Variants in DNAH6 observed in about 807,000 individuals in gnomAD.
The protein encoded by DNAH6 is dynein axonemal heavy chain 6.
A neutral mutation model predicts 491.4 loss-of-function variants in DNAH6; 340 were observed. The observed-to-expected ratio is 0.69, with a 90% CI of 0.63 to 0.76. The LOEUF is 0.76. Ranked by LOEUF, DNAH6 falls within the 30% of genes least tolerant of loss-of-function variation. The probability of loss-of-function intolerance (pLI) is 0.00; values close to 1 mark genes in which losing one functional copy is unlikely to be tolerated. For missense variants in DNAH6, 4,443 were observed against 4,972.2 expected (o/e 0.89, Z 3.20); for synonymous variants, 1,603 against 1,686.1 (o/e 0.95, Z 1.21).
rs919196714 is a variant in DNAH6 at position 84,624,685 on chromosome 2, A to C, written c.4353+65A>C. The C allele has an allele frequency of 2.4e-5, 35 of 1,485,660 alleles. No homozygotes were observed. The African/African-American group carries it at 4.4e-4, about 19-fold the overall frequency. The allele number at this position is 1,485,660 out of a possible 1,614,324, so 92.0% of individuals were successfully genotyped here. A position where few individuals can be genotyped will look rare whatever the true frequency, so the allele number is the denominator to read the frequency against. Reference sequence around the variant, plus strand: ...TGCTTTTCAATCAAAAGTCTTGAAAAGTTTCATATGACATTAACTCTTGAA... The same window carrying C: ...TGCTTTTCAATCAAAAGTCTTGAAACGTTTCATATGACATTAACTCTTGAA... On this transcript the variant is annotated intron_variant, in intron 28 of 76. Coordinates refer to ENST00000389394, the MANE Select transcript of DNAH6 (RefSeq NM_001370.2).
intron 65 of DNAH6, 96 bp from the exon 66 acceptor site, chr2:84,784,626 T>A (rs1322639750): frequency 2.6e-6 from 2 of 755,458 alleles, no homozygotes; most frequent in Non-Finnish European, 4.3e-6. Context: ...GCTTATAGCA[T>A]TTTTTCCTTC....
chr2:84,582,652 C>G (rs1475434686), intron 14 of DNAH6, among the ~76,000 whole-genome samples: 5 of 152,264 alleles, frequency 3.3e-5, no homozygotes, highest in Non-Finnish European at 7.4e-5. Context: ...CGGGGTTTCA[C>G]CGTGTTAGCC....
chr2:84,510,646 C>T, the DNAH6 span, among the ~76,000 whole-genome samples: 21 of 152,274 alleles, frequency 1.4e-4, no homozygotes, highest in African/African-American at 3.6e-4. Flanking sequence ...GGAGGAGAGG[C>T]GCTCTGATTT....
intron 16 of DNAH6, 53 bp from the exon 17 acceptor site, chr2:84,593,919 G>C: frequency 9.7e-7 from 1 of 1,032,034 alleles, no homozygotes; most frequent in Non-Finnish European, 1.4e-6. Flanking sequence ...AATAGCATAT[G>C]CTCATTATAT....
intron 37 of DNAH6, among the ~76,000 whole-genome samples, chr2:84,668,145 T>C (rs1692352685): frequency 6.6e-6 from 1 of 152,148 alleles, no homozygotes; most frequent in Non-Finnish European, 1.5e-5. Flanking sequence ...ATGTAAGTGA[T>C]GAGTTAACAG....
At chr2:84,740,420 A>C (rs1672411357) in intron 62 of DNAH6, among the ~76,000 whole-genome samples, 2 of 152,148 alleles carry the variant, frequency 1.3e-5, no homozygotes, top group Non-Finnish European at 2.9e-5. Flanking sequence ...CCAGACTCCA[A>C]AGTGAAGAGT....
chr2:84,807,728 C>A (rs1357916212), intron 71 of DNAH6, among the ~76,000 whole-genome samples: 2 of 152,170 alleles, frequency 1.3e-5, no homozygotes, highest in East Asian at 1.9e-4. Flanking sequence ...GGCTCTGCCT[C>A]CCAATCAGCC....
intron 37 of DNAH6, among the ~76,000 whole-genome samples, chr2:84,660,905 G>C (rs1024225597): frequency 6.6e-6 from 1 of 151,986 alleles, no homozygotes; most frequent in African/African-American, 2.4e-5. Context: ...CAAGACTAAA[G>C]AGAGATAATT....
At chr2:84,677,664 A>T (rs1389747725) in intron 41 of DNAH6, among the ~76,000 whole-genome samples, 1 of 152,174 alleles carries the variant, frequency 6.6e-6, no homozygotes, top group Non-Finnish European at 1.5e-5. Context: ...CCCATCCTTT[A>T]TATGGGAAAA....
chr2:84,640,051 G>C (rs1689241674), intron 31 of DNAH6, among the ~76,000 whole-genome samples: 1 of 152,166 alleles, frequency 6.6e-6, no homozygotes, highest in African/African-American at 2.4e-5. Context: ...CTCTCCACTA[G>C]GGTGGTGTTC....
intron 10 of DNAH6, among the ~76,000 whole-genome samples, chr2:84,553,648 T>TTTA (rs1679735724): frequency 6.9e-6 from 1 of 144,138 alleles, no homozygotes; most frequent in Non-Finnish European, 1.5e-5. Flanking sequence ...TTTTTTTTTT[T>TTTA]TTGTAGAGAT....
chr2:84,633,943 A>G (rs1305672290), intron 29 of DNAH6, among the ~76,000 whole-genome samples: 1 of 152,194 alleles, frequency 6.6e-6, no homozygotes, highest in Non-Finnish European at 1.5e-5. Flanking sequence ...CAAGATTTAT[A>G]TACATGCTTA....
At chr2:84,707,427 C>A in intron 53 of DNAH6, 93 bp from the exon 54 acceptor site, 2 of 1,138,658 alleles carry the variant, frequency 1.8e-6, no homozygotes, top group Non-Finnish European at 2.4e-6. Context: ...CTAAATAATG[C>A]TATTCTGCTA....
At chr2:84,760,046 A>G (rs1443292592) in intron 63 of DNAH6, among the ~76,000 whole-genome samples, 2 of 152,226 alleles carry the variant, frequency 1.3e-5, no homozygotes, top group African/African-American at 2.4e-5. Flanking sequence ...GGCAAAGTCA[A>G]CAAGAACATA....
chr2:84,664,063 C>T (rs959459544), intron 37 of DNAH6, among the ~76,000 whole-genome samples: 1 of 152,128 alleles, frequency 6.6e-6, no homozygotes, highest in African/African-American at 2.4e-5. Context: ...GATTTTGTCA[C>T]CACCAGGCCA....
In DNAH6 at chr2:84,813,991, C is replaced by T. The variant is rs1680252724; in HGVS notation, c.12019C>T (p.Arg4007Ter). ...TACAGGAACTCTTCAAAATCATGCTCGAAAATACAATTTGCCTATAGATGA... is the reference window on the plus strand; with the variant it reads ...TACAGGAACTCTTCAAAATCATGCTTGAAAATACAATTTGCCTATAGATGA... ...FLTGTLQNHA[R>*]KYNLPIDELS... The change falls in exon 75 of 77, where the codon CGA becomes TGA. Residue 4007 changes from arginine (R) to a stop codon, truncating the protein, a stop_gained. Transcript: ENST00000389394. LOFTEE classifies it high-confidence loss of function. The T allele has an allele frequency of 5.8e-6, 9 of 1,551,550 alleles. No individual in the cohort carries two copies. The highest frequency in any genetic ancestry group is 4.9e-5 in the East Asian group (2 of 40,934).
rs1323689688 is a variant in DNAH6 at position 84,611,798 on chromosome 2, A to G, written c.3419A>G (p.Glu1140Gly). The G allele has an allele frequency of 6.4e-7, 1 of 1,551,098 alleles. No homozygotes were observed. Among genetic ancestry groups the G allele is most frequent in the Non-Finnish European group, 8.7e-7 (1 of 1,146,668 alleles). The change falls in exon 22 of 77, where the codon GAA (glutamate) becomes GGA (glycine). Residue 1140 changes from glutamate (E) to glycine (G), a missense_variant. Glu to Gly is a moderately conservative substitution (Grantham distance 98, BLOSUM62 -2). Around this residue, in one of 3 missense-constraint regions of DNAH6, gnomAD observed 2,977 missense variants for 3,296.6 expected, o/e 0.90. Coordinates refer to ENST00000389394, the MANE Select transcript of DNAH6 (RefSeq NM_001370.2). ...CTTCAGGTGGATAAGTCATGGAAAG[A>G]AATCATGAGAAAGGTGAATCGGCTG... ...MFLQVDKSWK[E>G]IMRKVNRLPN...
chr2:84,777,562 C>T, intron 64 of DNAH6: 3 of 780,278 alleles, frequency 3.8e-6, no homozygotes, highest in Non-Finnish European at 7.1e-6. Context: ...ACTTGTGAAC[C>T]TCTTTCCACT....
intron 76 of DNAH6, 134 bp from the exon 77 acceptor site, chr2:84,819,171 G>A: frequency 1.7e-6 from 1 of 582,674 alleles, no homozygotes; most frequent in South Asian, 2.2e-5. Context: ...GACCCATAAA[G>A]GACTATTTGT....
Sources: gnomAD v4.1 joint callset for allele counts (sites outside exome capture counted in the v4.1 genomes callset) on GRCh38, gnomAD v4.1.1 for gene constraint, gnomAD v4.1.1 regional missense constraint, MANE v1.5 for transcripts, NCBI Gene and HGNC (gene_info 2026-07-23, HGNC 2026-07-21) for gene names.